Variants in ATL1 observed in about 807,000 individuals in gnomAD.
ATL1 encodes the protein atlastin-1.
ATL1 carries 31 observed loss-of-function variants against 75.5 expected under a neutral mutation model. The observed-to-expected ratio is 0.41, with a 90% CI of 0.31 to 0.55. ATL1 has a LOEUF of 0.55. ATL1 is among the 20% of genes least tolerant of loss of function. The pLI is 0.27. For synonymous variants in ATL1, 226 were observed against 233.3 expected (o/e 0.97, Z 0.28); for missense variants, 405 against 662.6 (o/e 0.61, Z 4.27).
At chr14:50,601,468 G>T (rs2039271117) in intron 6 of ATL1, among the ~76,000 whole-genome samples, 1 of 152,098 alleles carries the variant, frequency 6.6e-6, no homozygotes, top group African/African-American at 2.4e-5. Context: ...GAGGAGGTGA[G>T]CCTGATATAT....
intron 6 of ATL1, among the ~76,000 whole-genome samples, chr14:50,601,396 T>C (rs2039270596): frequency 6.6e-6 from 1 of 152,192 alleles, no homozygotes; most frequent in South Asian, 2.1e-4. Context: ...AAAAGCAATA[T>C]TGAAGTGCAA....
At chr14:50,561,300 G>C (rs1460285783) in intron 1 of ATL1, among the ~76,000 whole-genome samples, 1 of 152,194 alleles carries the variant, frequency 6.6e-6, no homozygotes, top group Non-Finnish European at 1.5e-5. Context: ...AAACTCACCA[G>C]CATCTTAGGA....
At chr14:50,606,586 G>T (rs1290669095) in intron 6 of ATL1, among the ~76,000 whole-genome samples, 2 of 152,000 alleles carry the variant, frequency 1.3e-5, no homozygotes, top group East Asian at 3.9e-4. Context: ...TGAAGGTTTT[G>T]TAGGGAACCT....
At chr14:50,610,678 T>C (rs1299129705) in intron 6 of ATL1, among the ~76,000 whole-genome samples, 1 of 152,060 alleles carries the variant, frequency 6.6e-6, no homozygotes, top group Non-Finnish European at 1.5e-5. Flanking sequence ...AAATTGATAA[T>C]TAAAAAATGA....
intron 8 of ATL1, among the ~76,000 whole-genome samples, chr14:50,618,317 C>A (rs1183148583): frequency 6.6e-6 from 1 of 152,016 alleles, no homozygotes; most frequent in African/African-American, 2.4e-5. Context: ...AAAACAGGAA[C>A]GTGGTAACAT....
chr14:50,632,680 G>T lies in ATL1; in HGVS notation c.*341G>T. The T allele has an allele frequency of 4.7e-6, 1 of 210,930 alleles. No individual in the cohort carries two copies. 13.1% of individuals were successfully genotyped at this position (210,930 alleles called of 1,614,324 possible). A position where few individuals can be genotyped will look rare whatever the true frequency, so the allele number is the denominator to read the frequency against. ...TAAATCATGTGATATTCCACGTTTGGATATGCTCATTTAATTTCTACAGAA... is the reference window on the plus strand; with the variant it reads ...TAAATCATGTGATATTCCACGTTTGTATATGCTCATTTAATTTCTACAGAA... On this transcript the variant is annotated 3_prime_UTR_variant, in exon 14 of 14. Transcript: ENST00000358385.
intron 1 of ATL1, among the ~76,000 whole-genome samples, chr14:50,567,303 T>C (rs1348182781): frequency 6.6e-6 from 1 of 152,216 alleles, no homozygotes; most frequent in African/African-American, 2.4e-5. Context: ...AACTTCCTTC[T>C]TTTTTAAGGC....
chr14:50,627,083 A>T (rs1458665900), intron 11 of ATL1, among the ~76,000 whole-genome samples: 1 of 152,202 alleles, frequency 6.6e-6, no homozygotes, highest in Non-Finnish European at 1.5e-5. Flanking sequence ...AATATGGCAA[A>T]CTTTACTGTT....
At chr14:50,588,609 C>T (rs577885687) in intron 2 of ATL1, among the ~76,000 whole-genome samples, 18 of 152,260 alleles carry the variant, frequency 1.2e-4, no homozygotes, top group Non-Finnish European at 7.4e-5. Context: ...AAATTGCTGG[C>T]CGGGCACTGT....
intron 2 of ATL1, among the ~76,000 whole-genome samples, chr14:50,590,435 T>G (rs1203196167): frequency 2.6e-5 from 4 of 152,114 alleles, no homozygotes; most frequent in Non-Finnish European, 5.9e-5. Flanking sequence ...CAAAGCATAA[T>G]ATGCTCCCTA....
At position 50,573,725 on chromosome 14, in the gene ATL1, A is replaced by G. The variant is rs118161882; in HGVS notation, c.34+13426A>G. On this transcript the variant is annotated intron_variant, in intron 1 of 13. Transcript: ENST00000358385. ...TACCAAATACTGATATCTGATAGAT[A>G]CTTTAAAGTTCTCAGATATGTTTTT... Among the ~76,000 whole-genome samples the G allele has an allele frequency of 2.6e-3, 401 of 152,282 alleles. 3 individuals carry two copies. Among genetic ancestry groups the G allele is most frequent in the Non-Finnish European group, 3.1e-3 (214 of 68,008 alleles).
chr14:50,620,607 G>A lies in ATL1; in HGVS notation c.871G>A (p.Asp291Asn). 1 of 1,612,200 alleles carries A rather than the reference G, an allele frequency of 6.2e-7. No individual in the cohort carries two copies. The highest frequency in any genetic ancestry group is 8.5e-7 in the Non-Finnish European group (1 of 1,178,742). The change falls in exon 9 of 14, where the codon GAT becomes AAT. Residue 291 changes from aspartate (D) to asparagine (N), a missense_variant. Around this residue, in one of 5 missense-constraint regions of ATL1, gnomAD observed 56 missense variants for 66.6 expected, o/e 0.84. Coordinates refer to ENST00000358385, the MANE Select transcript of ATL1 (RefSeq NM_015915.5). ...TTTGCTTTTACTTGTAGAAATAGAT[G>A]ATGAATTCATCAAAAACTTGAAAAT... The part of the protein sequence containing the change: ...NFDGKLKEID[D>N]EFIKNLKILI...
chr14:50,574,778 T>C (rs2038985169), intron 1 of ATL1, among the ~76,000 whole-genome samples: 1 of 151,618 alleles, frequency 6.6e-6, no homozygotes. Context: ...CAGTTAGACA[T>C]TTAGATTGTT....
At chr14:50,570,150 T>A (rs1460228123) in intron 1 of ATL1, among the ~76,000 whole-genome samples, 4 of 152,220 alleles carry the variant, frequency 2.6e-5, no homozygotes, top group Admixed American at 2.0e-4. Flanking sequence ...CTCTTTCTTT[T>A]CTTCTTCTGT....
chr14:50,561,322 C>T (rs1310741364), intron 1 of ATL1, among the ~76,000 whole-genome samples: 3 of 152,228 alleles, frequency 2.0e-5, no homozygotes, highest in Non-Finnish European at 4.4e-5. Context: ...CGAAAGCCCT[C>T]TAAGGCATTT....
chr14:50,590,257 A>C (rs1190684017), intron 2 of ATL1, among the ~76,000 whole-genome samples: 2 of 152,172 alleles, frequency 1.3e-5, no homozygotes, highest in East Asian at 3.8e-4. Flanking sequence ...CTACTTCTAG[A>C]ATAGTATCTT....
intron 1 of ATL1, among the ~76,000 whole-genome samples, chr14:50,533,953 A>G (rs1454038018): frequency 6.6e-6 from 1 of 152,232 alleles, no homozygotes; most frequent in African/African-American, 2.4e-5. Flanking sequence ...CTCCATGGAC[A>G]AAGCCTATGT....
intron 6 of ATL1, among the ~76,000 whole-genome samples, chr14:50,600,354 GA>G (rs1185074721): frequency 6.6e-6 from 1 of 151,674 alleles, no homozygotes; most frequent in Non-Finnish European, 1.5e-5. Flanking sequence ...TCAGTGACAA[GA>G]AAAAAGTTTT....
chr14:50,582,590 GT>G (rs35684925), intron 1 of ATL1, among the ~76,000 whole-genome samples: 108,048 of 139,720 alleles, frequency 0.77, 41,815 homozygotes, highest in African/African-American at 0.88. Flanking sequence ...TTGTGTTGTT[GT>G]TTTTTTTTTT....
Sources: allele counts gnomAD v4.1 joint callset (sites outside exome capture counted in the v4.1 genomes callset), GRCh38; gene constraint gnomAD v4.1.1; regional missense constraint gnomAD v4.1.1; transcripts MANE v1.5; gene names NCBI Gene and HGNC (gene_info 2026-07-23, HGNC 2026-07-21).